Variants in SUGCT observed in about 807,000 individuals in gnomAD.
SUGCT encodes the protein succinyl-CoA:glutarate-CoA transferase.
A neutral mutation model predicts 55.0 loss-of-function variants in SUGCT; 41 were observed. The ratio of observed to expected loss-of-function variants is 0.74; its 90% CI spans 0.58 to 0.97. The LOEUF is 0.97. Ranked by LOEUF, SUGCT falls within the 50% of genes least tolerant of loss-of-function variation. The pLI is 0.00. For synonymous variants in SUGCT, 187 were observed against 200.4 expected (o/e 0.93, Z 0.56); for missense variants, 568 against 547.8 (o/e 1.04, Z -0.37).
chr7:40,278,503 A>G lies in SUGCT; in HGVS notation c.720+3847A>G, dbSNP rs138503051. On this transcript the variant is annotated intron_variant, in intron 8 of 13. Transcript: ENST00000335693. ...TATGTTTATTGCGATACTATTCACA[A>G]TAGCAGATAATTTATTCTACAGCTT... Among the ~76,000 whole-genome samples the G allele has an allele frequency of 7.7e-3, 1,167 of 152,304 alleles. 43 individuals are homozygous for G. Among genetic ancestry groups the G allele is most frequent in the Admixed American group, 0.065 (991 of 15,294 alleles).
chr7:40,708,271 C>G (rs1785525780), intron 12 of SUGCT, among the ~76,000 whole-genome samples: 2 of 152,092 alleles, frequency 1.3e-5, no homozygotes, highest in Non-Finnish European at 2.9e-5. Context: ...GTCTGGATGT[C>G]TGAGACTTGA....
intron 9 of SUGCT, among the ~76,000 whole-genome samples, chr7:40,374,557 A>G (rs1367532427): frequency 1.3e-5 from 2 of 152,174 alleles, no homozygotes; most frequent in Non-Finnish European, 2.9e-5. Flanking sequence ...CTAGACATAT[A>G]TGGAACTAGG....
chr7:40,560,686 G>A (rs1358269421), intron 12 of SUGCT, among the ~76,000 whole-genome samples: 1 of 152,170 alleles, frequency 6.6e-6, no homozygotes, highest in South Asian at 2.1e-4. Context: ...AAAATTGAAA[G>A]TATGTCTTTA....
chr7:40,588,200 C>G (rs967435050), intron 12 of SUGCT, among the ~76,000 whole-genome samples: 1 of 151,722 alleles, frequency 6.6e-6, no homozygotes, highest in African/African-American at 2.4e-5. Flanking sequence ...CTGCGCCCAG[C>G]CCTCCTTTTG....
intron 12 of SUGCT, among the ~76,000 whole-genome samples, chr7:40,627,034 T>C (rs1306441860): frequency 2.0e-5 from 3 of 152,154 alleles, no homozygotes; most frequent in Non-Finnish European, 4.4e-5. Context: ...TGCAAAGGTA[T>C]TGCAAAGTGC....
At chr7:40,543,551 G>A (rs1794818777) in intron 12 of SUGCT, among the ~76,000 whole-genome samples, 1 of 152,116 alleles carries the variant, frequency 6.6e-6, no homozygotes, top group Non-Finnish European at 1.5e-5. Context: ...ATGACACACA[G>A]GATAAAAGGT....
chr7:40,736,752 G>A (rs1183351443), intron 12 of SUGCT, among the ~76,000 whole-genome samples: 1 of 150,720 alleles, frequency 6.6e-6, no homozygotes, highest in African/African-American at 2.4e-5. Flanking sequence ...TCTTTTAGAA[G>A]AAAGAAAAAA....
At chr7:40,868,562 T>G in the SUGCT span, among the ~76,000 whole-genome samples, 2 of 152,146 alleles carry the variant, frequency 1.3e-5, no homozygotes, top group Admixed American at 1.3e-4. Context: ...TGTTTTTGTT[T>G]AAGAGGTGAG....
intron 12 of SUGCT, among the ~76,000 whole-genome samples, chr7:40,529,038 C>A (rs1280464790): frequency 6.6e-6 from 1 of 152,146 alleles, no homozygotes; most frequent in Non-Finnish European, 1.5e-5. Context: ...GAACAATGGA[C>A]AGAACACATG....
chr7:40,753,962 G>T (rs1192895796), intron 13 of SUGCT, among the ~76,000 whole-genome samples: 2 of 151,966 alleles, frequency 1.3e-5, no homozygotes, highest in African/African-American at 2.4e-5. Context: ...TATATCTGTT[G>T]CAAATACTCC....
intron 13 of SUGCT, among the ~76,000 whole-genome samples, chr7:40,764,638 A>C (rs1788690532): frequency 6.6e-6 from 1 of 152,218 alleles, no homozygotes; most frequent in Non-Finnish European, 1.5e-5. Context: ...AGTAGGGTGG[A>C]GTAGAGTCTG....
intron 9 of SUGCT, among the ~76,000 whole-genome samples, chr7:40,429,355 G>A (rs1787772048): frequency 6.6e-6 from 1 of 152,096 alleles, no homozygotes; most frequent in Non-Finnish European, 1.5e-5. Context: ...TAACTAATAG[G>A]ATAGATGTAT....
intron 1 of SUGCT, among the ~76,000 whole-genome samples, chr7:40,147,675 T>C: frequency 6.6e-6 from 1 of 152,206 alleles, no homozygotes; most frequent in Admixed American, 6.5e-5. Flanking sequence ...TCTCTCCGCG[T>C]TGCTGAGAGC....
chr7:40,325,800 G>A lies in SUGCT; in HGVS notation c.816+8945G>A, dbSNP rs531209674. On this transcript the variant is annotated intron_variant, in intron 9 of 13. Transcript: ENST00000335693. The stretch of plus-strand genomic sequence containing the variant: ...CAGCCTGGGCGACGAGCAAAACTCC[G>A]TCTCAAAACAAAACAAAACAAACAA... Among the ~76,000 whole-genome samples the A allele has an allele frequency of 2.2e-4, 34 of 151,792 alleles. 1 individual carries two copies. The South Asian group carries it at 5.0e-3, about 22-fold the overall frequency.
At chr7:40,812,007 T>C (rs1385981824) in intron 13 of SUGCT, among the ~76,000 whole-genome samples, 2 of 151,876 alleles carry the variant, frequency 1.3e-5, no homozygotes, top group Non-Finnish European at 3.0e-5. Context: ...GCTTTTTCCA[T>C]GGAGATCATA....
At chr7:40,518,915 TA>T (rs1282615414) in intron 12 of SUGCT, among the ~76,000 whole-genome samples, 2 of 152,078 alleles carry the variant, frequency 1.3e-5, no homozygotes, top group African/African-American at 4.8e-5. Flanking sequence ...CATGATATAA[TA>T]AATGCTTAAA....
intron 12 of SUGCT, among the ~76,000 whole-genome samples, chr7:40,622,528 G>GTTTTTTTTTTTTTTTTT (rs370877783): frequency 2.4e-5 from 2 of 81,852 alleles, no homozygotes; most frequent in African/African-American, 4.8e-5. Context: ...TGTTGTGGTT[G>GTTTTTTTTTTTTTTTTT]TTTTTTTTTT....
intron 11 of SUGCT, among the ~76,000 whole-genome samples, chr7:40,462,807 T>C (rs938376185): frequency 2.0e-5 from 3 of 152,204 alleles, no homozygotes; most frequent in Admixed American, 6.5e-5. Context: ...ACATACTTCT[T>C]TTTGGTAGTG....
intron 13 of SUGCT, among the ~76,000 whole-genome samples, chr7:40,787,660 C>A (rs1005037997): frequency 8.9e-4 from 43 of 48,438 alleles, no homozygotes; most frequent in Non-Finnish European, 1.3e-3. Flanking sequence ...AAATTTTGAC[C>A]AAAAAAAAAA....
Sources: gnomAD v4.1 joint callset for allele counts (sites outside exome capture counted in the v4.1 genomes callset) on GRCh38, gnomAD v4.1.1 for gene constraint, MANE v1.5 for transcripts, NCBI Gene and HGNC (gene_info 2026-07-23, HGNC 2026-07-21) for gene names.